The following CDC42EP3 variants were observed in gnomAD, a reference collection of about 807,000 sequenced individuals.
CDC42EP3 encodes the protein CDC42 effector protein (Rho GTPase binding) 3.
In CDC42EP3, 4 loss-of-function variants were observed where a neutral mutation model predicts 15.5. That is an observed-to-expected ratio of 0.26 (90% CI 0.13 to 0.59). The LOEUF is 0.59. Ranked by LOEUF, CDC42EP3 falls within the 20% of genes least tolerant of loss-of-function variation. The pLI, the probability that CDC42EP3 is intolerant of heterozygous loss-of-function variation, is 0.89. For missense variants in CDC42EP3, 309 were observed against 311.2 expected (o/e 0.99, Z 0.05); for synonymous variants, 145 against 130.3 (o/e 1.11, Z -0.77).
intron 1 of CDC42EP3, among the ~76,000 whole-genome samples, chr2:37,664,627 T>C (rs1400404766): frequency 6.6e-6 from 1 of 152,216 alleles, no homozygotes; most frequent in African/African-American, 2.4e-5. Flanking sequence ...AAGAATCAGA[T>C]AGTATAGCAA....
At chr2:37,665,761 G>A (rs2124636802) in intron 1 of CDC42EP3, among the ~76,000 whole-genome samples, 1 of 151,660 alleles carries the variant, frequency 6.6e-6, no homozygotes, top group Admixed American at 6.6e-5. Context: ...GCTTGCTCAG[G>A]CTGCTCTGCC....
chr2:37,652,185 A>G (rs1449490334), intron 1 of CDC42EP3, among the ~76,000 whole-genome samples: 1 of 148,864 alleles, frequency 6.7e-6, no homozygotes, highest in East Asian at 1.9e-4. Flanking sequence ...AAAAAAAAAA[A>G]AAAAAAAAAA....
chr2:37,644,441 G>GGTAA lies in CDC42EP3; in HGVS notation c.*1378_*1381dup, dbSNP rs1453239797. On this transcript the variant is annotated 3_prime_UTR_variant, in exon 2 of 2. Transcript: ENST00000295324. ...GGGCATCTCTGGCACCTTGGGGTCGGGTAAGTGCTCTCTACTGCCCTCGTT... is the reference window on the plus strand; with the variant it reads ...GGGCATCTCTGGCACCTTGGGGTCGGGTAAGTAAGTGCTCTCTACTGCCCTCGTT... 6.6e-6 allele frequency: 1 copy of GGTAA among 151,998 alleles called. No homozygotes were observed. The highest frequency in any genetic ancestry group is 1.5e-5 in the Non-Finnish European group (1 of 68,038). The allele number at this position is 151,998 out of a possible 1,614,324, so 9.4% of individuals were successfully genotyped here.
intron 1 of CDC42EP3, among the ~76,000 whole-genome samples, chr2:37,651,897 C>T (rs986522672): frequency 2.6e-5 from 4 of 152,102 alleles, no homozygotes; most frequent in African/African-American, 9.7e-5. Context: ...CACCTGGGGC[C>T]GGGCATGGTG....
chr2:37,652,115 C>A (rs891747545), intron 1 of CDC42EP3, among the ~76,000 whole-genome samples: 1 of 124,774 alleles, frequency 8.0e-6, no homozygotes. Context: ...GCGGAGCTTG[C>A]AGTGAGCCAA....
intron 1 of CDC42EP3, among the ~76,000 whole-genome samples, chr2:37,663,868 G>T (rs899796445): frequency 3.3e-5 from 5 of 152,168 alleles, no homozygotes; most frequent in Non-Finnish European, 7.3e-5. Flanking sequence ...CTGCCAGCGT[G>T]GCTAGGATAA....
chr2:37,657,801 CTG>C (rs1286195616), intron 1 of CDC42EP3, among the ~76,000 whole-genome samples: 1 of 152,088 alleles, frequency 6.6e-6, no homozygotes, highest in Non-Finnish European at 1.5e-5. Context: ...GTTTTCGTGA[CTG>C]GGGGTGGTGT....
chr2:37,647,493 T>C (rs967045028), intron 1 of CDC42EP3: 1 of 152,202 alleles, frequency 6.6e-6, no homozygotes, highest in African/African-American at 2.4e-5. Flanking sequence ...TTTGAAGTCA[T>C]TCTGAGATGG....
chr2:37,649,767 G>A (rs1030653816), intron 1 of CDC42EP3, among the ~76,000 whole-genome samples: 3 of 152,130 alleles, frequency 2.0e-5, no homozygotes, highest in African/African-American at 7.2e-5. Flanking sequence ...CACTCATCCT[G>A]CTTGAAGTGG....
chr2:37,664,282 C>T (rs1217731541), intron 1 of CDC42EP3, among the ~76,000 whole-genome samples: 2 of 152,232 alleles, frequency 1.3e-5, no homozygotes, highest in East Asian at 3.8e-4. Flanking sequence ...TGCCCTCACA[C>T]ATCAGACTCC....
At chr2:37,659,066 G>A (rs79205868) in intron 1 of CDC42EP3, among the ~76,000 whole-genome samples, 3,813 of 152,236 alleles carry the variant, frequency 0.025, 70 homozygotes, top group Middle Eastern at 0.044. Context: ...CTCCCATAGC[G>A]TCCTGTGTAC....
chr2:37,657,286 G>A (rs1665896950), intron 1 of CDC42EP3, among the ~76,000 whole-genome samples: 1 of 152,124 alleles, frequency 6.6e-6, no homozygotes, highest in African/African-American at 2.4e-5. Context: ...CTTCCTGGAG[G>A]AAGTCTACTC....
chr2:37,672,848 A>T (rs1017520233), upstream of CDC42EP3, among the ~76,000 whole-genome samples: 1 of 152,206 alleles, frequency 6.6e-6, no homozygotes, highest in Middle Eastern at 3.2e-3. Flanking sequence ...GCCGAGAGAT[A>T]TCAGCTTCAG....
At chr2:37,659,582 G>C (rs1415004207) in intron 1 of CDC42EP3, among the ~76,000 whole-genome samples, 2 of 152,186 alleles carry the variant, frequency 1.3e-5, no homozygotes, top group Admixed American at 1.3e-4. Context: ...AGTGTCTTAG[G>C]TAAGACTCAA....
chr2:37,659,158 G>C (rs910112540), intron 1 of CDC42EP3, among the ~76,000 whole-genome samples: 1 of 152,164 alleles, frequency 6.6e-6, no homozygotes, highest in Non-Finnish European at 1.5e-5. Flanking sequence ...ATCTGGGAGA[G>C]AGAACGGAGA....
At chr2:37,651,335 T>A (rs958451721) in intron 1 of CDC42EP3, among the ~76,000 whole-genome samples, 6 of 152,326 alleles carry the variant, frequency 3.9e-5, no homozygotes, top group East Asian at 3.9e-4. Context: ...TATTTTTTTT[T>A]AAATCACAAA....
At chr2:37,655,668 C>A (rs1413647207) in intron 1 of CDC42EP3, among the ~76,000 whole-genome samples, 1 of 152,324 alleles carries the variant, frequency 6.6e-6, no homozygotes, top group South Asian at 2.1e-4. Flanking sequence ...ACTCTAGTTT[C>A]ATGGATGTGA....
intron 1 of CDC42EP3, among the ~76,000 whole-genome samples, chr2:37,664,043 G>T (rs960319807): frequency 2.0e-5 from 3 of 152,162 alleles, no homozygotes; most frequent in Non-Finnish European, 4.4e-5. Flanking sequence ...TCGTTGTGGA[G>T]GGTGCCTGTA....
At position 37,643,381 on chromosome 2, in the gene CDC42EP3, CTCTT is replaced by C. The variant is rs879464677; in HGVS notation, c.*2438_*2441del. The C allele has an allele frequency of 1.1e-4, 17 of 152,340 alleles. No individual in the cohort carries two copies. Among genetic ancestry groups the C allele is most frequent in the Admixed American group, 2.0e-4 (3 of 15,310 alleles). 9.4% of individuals were successfully genotyped at this position (152,340 alleles called of 1,614,324 possible). On this transcript the variant is annotated 3_prime_UTR_variant, in exon 2 of 2. Coordinates refer to ENST00000295324, the MANE Select transcript of CDC42EP3 (RefSeq NM_006449.5). ...CATAAGCCGCATGTAGCTTTGTTTCCTCTTTCTAATACGGGCATATTTATTGCCA... is the reference window on the plus strand; with the variant it reads ...CATAAGCCGCATGTAGCTTTGTTTCCTCTAATACGGGCATATTTATTGCCA...
Sources: gnomAD v4.1 joint callset for allele counts (sites outside exome capture counted in the v4.1 genomes callset) on GRCh38, gnomAD v4.1.1 for gene constraint, MANE v1.5 for transcripts, NCBI Gene and HGNC (gene_info 2026-07-23, HGNC 2026-07-21) for gene names.